The following SPDYE2 variants were observed in gnomAD, a reference collection of about 807,000 sequenced individuals.
SPDYE2 encodes speedy/RINGO cell cycle regulator family member E2.
For missense variants in SPDYE2, 1 was observed against 121.0 expected (o/e 0.01, Z 4.65); for synonymous variants, 2 against 45.1 (o/e 0.04, Z 3.83).
At chr7:102,564,417 CCT>C (rs1363179490), downstream of SPDYE2, 13 of 147,454 alleles carry the variant, frequency 8.8e-5, no homozygotes, top group Admixed American at 7.4e-4. Flanking sequence ...CTCCTCACCC[CCT>C]CTCAAAAAAA....
chr7:102,563,720 G>A (rs1188304250), downstream of SPDYE2: 1 of 41,996 alleles, frequency 2.4e-5, no homozygotes, highest in South Asian at 7.1e-4. Flanking sequence ...AGGTCATGGC[G>A]GGAGGATCAC....
At chr7:102,553,578 AC>A (rs1800652038) in intron 2 of SPDYE2, among the ~76,000 whole-genome samples, 163 bp downstream of exon 2, 1 of 39,038 alleles carries the variant, frequency 2.6e-5, no homozygotes, top group Non-Finnish European at 1.1e-4. Flanking sequence ...ATATGGTGAA[AC>A]CCCATCTCTA....
downstream of SPDYE2, chr7:102,565,173 G>T: frequency 1.1e-5 from 1 of 95,114 alleles, no homozygotes; most frequent in Non-Finnish European, 2.7e-5. Context: ...CCTCAAGTTC[G>T]ATAACTCACT....
At chr7:102,554,946 C>CA (rs1800728704) in intron 3 of SPDYE2, among the ~76,000 whole-genome samples, 1 of 129,852 alleles carries the variant, frequency 7.7e-6, no homozygotes, top group African/African-American at 2.8e-5. Context: ...AACCCTGTGT[C>CA]AAAAGAAAAA....
chr7:102,555,595 A>G (rs1800767427), intron 3 of SPDYE2, among the ~76,000 whole-genome samples: 2 of 105,108 alleles, frequency 1.9e-5, no homozygotes, highest in African/African-American at 3.3e-5. Flanking sequence ...CCTAGGCCAC[A>G]AAGCAAGACT....
exon 4 of SPDYE2, chr7:102,556,066 G>A (rs1178983301): frequency 3.2e-6 from 1 of 312,390 alleles, no homozygotes; most frequent in African/African-American, 7.9e-5. Flanking sequence ...TCAAGATGAA[G>A]CTGAAGCGAC....
Position 102,551,357 on chromosome 7 carries a change from CAA to C in SPDYE2, c.-422+76_-422+77del, listed in dbSNP as rs545207775. 1,420 of 146,254 alleles carry C rather than the reference CAA, an allele frequency of 9.7e-3. 5 individuals carry two copies. Among genetic ancestry groups the C allele is most frequent in the African/African-American group, 0.027 (1,025 of 37,560 alleles). 9.1% of individuals were successfully genotyped at this position (146,254 alleles called of 1,614,324 possible). On this transcript the variant is annotated intron_variant, in intron 1 of 8. Transcript: ENST00000507918. ...GGTTAAATCAGAGCTTTTCATTCCA[CAA>C]AAGAGAAATTTTAATGGGGTCAGAA...
intron 2 of SPDYE2, among the ~76,000 whole-genome samples, chr7:102,553,736 A>G (rs1476753704): frequency 5.4e-5 from 2 of 36,782 alleles, no homozygotes; most frequent in African/African-American, 8.9e-5. Context: ...AAAAAAGAAA[A>G]AAAAGAAAAG....
At chr7:102,559,944 T>G (rs1703029091) in intron 6 of SPDYE2, among the ~76,000 whole-genome samples, 1 of 35,416 alleles carries the variant, frequency 2.8e-5, no homozygotes, top group South Asian at 5.7e-4. Flanking sequence ...CCTGGACAGT[T>G]TGTTTGTTTG....
At chr7:102,557,349 T>TGTGTGTGTG (rs1554589734) in intron 5 of SPDYE2, 127 bp downstream of exon 5, 1 of 718,530 alleles carries the variant, frequency 1.4e-6, no homozygotes, top group African/African-American at 3.5e-5. Flanking sequence ...TTTTTTTTTT[T>TGTGTGTGTG]TTTGTGTGTG....
downstream of SPDYE2, chr7:102,565,100 G>C (rs1340999683): frequency 3.0e-4 from 31 of 103,926 alleles, no homozygotes; most frequent in Non-Finnish European, 4.2e-4. Flanking sequence ...TGCAGGCTTG[G>C]GTGTCCTCAG....
chr7:102,557,318 A>G (rs1338356417), intron 5 of SPDYE2, 96 bp downstream of exon 5: 6 of 496,864 alleles, frequency 1.2e-5, no homozygotes, highest in Non-Finnish European at 1.8e-5. Context: ...ACCACCTCCC[A>G]CCAGATGCTC....
downstream of SPDYE2, chr7:102,565,209 G>C (rs1339788780): frequency 1.1e-5 from 1 of 90,472 alleles, no homozygotes; most frequent in African/African-American, 2.8e-5. Context: ...ATGCAGAAAA[G>C]CATGATACTT....
intron 3 of SPDYE2, among the ~76,000 whole-genome samples, chr7:102,555,633 CAAAAAAAA>C (rs1203194591): frequency 3.6e-4 from 14 of 39,046 alleles, no homozygotes; most frequent in Middle Eastern, 0.01. Flanking sequence ...ACAACAACAA[CAAAAAAAA>C]AAAAAAAAAG....
exon 9 of SPDYE2, chr7:102,562,809 G>GA (rs1164130246): frequency 1.5e-5 from 2 of 129,612 alleles, no homozygotes; most frequent in Non-Finnish European, 3.3e-5. Context: ...TTCCCCACCA[G>GA]AAAAAAACAT....
intron 3 of SPDYE2, among the ~76,000 whole-genome samples, chr7:102,554,838 T>C (rs1800722838): frequency 1.8e-5 from 2 of 110,614 alleles, no homozygotes; most frequent in South Asian, 5.3e-4. Context: ...TGCTAGCACG[T>C]TGGGAGGCTG....
chr7:102,557,425 C>T (rs1234706389), intron 5 of SPDYE2, among the ~76,000 whole-genome samples: 1 of 134,450 alleles, frequency 7.4e-6, no homozygotes, highest in Admixed American at 8.0e-5. Context: ...GGCAGTGTCT[C>T]GATCTTGACT....
intron 5 of SPDYE2, 119 bp downstream of exon 5, chr7:102,557,341 T>TGTGTGTGTGTG (rs1171723315): frequency 2.6e-6 from 1 of 387,342 alleles, no homozygotes; most frequent in East Asian, 6.4e-5. Context: ...ACAGTCTTTT[T>TGTGTGTGTGTG]TTTTTTTTTT....
intron 3 of SPDYE2, among the ~76,000 whole-genome samples, chr7:102,554,819 T>C (rs201091983): frequency 0.4 from 35,108 of 86,838 alleles, 11,471 homozygotes; most frequent in Middle Eastern, 0.6. Context: ...CAGTGGCTCA[T>C]GCCTGAGATG....
Sources: gnomAD v4.1 joint callset for allele counts (sites outside exome capture counted in the v4.1 genomes callset) on GRCh38, gnomAD v4.1.1 for gene constraint, MANE v1.5 for transcripts, NCBI Gene and HGNC (gene_info 2026-07-23, HGNC 2026-07-21) for gene names.